The following CNTN5 variants were observed in gnomAD, a reference collection of about 807,000 sequenced individuals.
CNTN5 encodes contactin 5, also known as contactin-5.
In CNTN5, 77 loss-of-function variants were observed where a neutral mutation model predicts 129.1. The ratio of observed to expected loss-of-function variants is 0.60; its 90% CI spans 0.50 to 0.72. The LOEUF (loss-of-function observed/expected upper bound fraction) is 0.72. Among genes scored for constraint, CNTN5 ranks in the 30% least tolerant of loss-of-function variants. The probability of loss-of-function intolerance (pLI) is 0.00; values close to 1 mark genes in which losing one functional copy is unlikely to be tolerated. For synonymous variants in CNTN5, 509 were observed against 465.6 expected (o/e 1.09, Z -1.20); for missense variants, 1,478 against 1,328.8 (o/e 1.11, Z -1.75).
intron 6 of CNTN5, among the ~76,000 whole-genome samples, chr11:99,908,012 C>T (rs1188759413): frequency 1.3e-5 from 2 of 152,006 alleles, no homozygotes; most frequent in Non-Finnish European, 2.9e-5. Flanking sequence ...TCTGAACTGA[C>T]AGTCATAGGC....
chr11:99,994,004 C>G (rs1248645485), intron 8 of CNTN5, among the ~76,000 whole-genome samples: 2 of 151,924 alleles, frequency 1.3e-5, no homozygotes, highest in Admixed American at 6.6e-5. Context: ...ATATATAGTT[C>G]AGATATTAGC....
intron 9 of CNTN5, among the ~76,000 whole-genome samples, chr11:100,012,292 C>T (rs1419399821): frequency 6.6e-6 from 1 of 152,042 alleles, no homozygotes; most frequent in Non-Finnish European, 1.5e-5. Flanking sequence ...ATTGCATGAC[C>T]TAACAAACGT....
At chr11:100,097,601 GAT>G (rs1195970779) in intron 13 of CNTN5, among the ~76,000 whole-genome samples, 1 of 152,008 alleles carries the variant, frequency 6.6e-6, no homozygotes, top group Non-Finnish European at 1.5e-5. Context: ...AATGTGATGA[GAT>G]ATATCAAATT....
chr11:99,502,553 C>A (rs1946466117), intron 2 of CNTN5, among the ~76,000 whole-genome samples: 1 of 151,998 alleles, frequency 6.6e-6, no homozygotes, highest in Non-Finnish European at 1.5e-5. Context: ...AGGTGCCTTG[C>A]TTCTCCTTCA....
intron 1 of CNTN5, among the ~76,000 whole-genome samples, chr11:99,060,039 T>C (rs1864810385): frequency 6.6e-6 from 1 of 152,100 alleles, no homozygotes; most frequent in African/African-American, 2.4e-5. Context: ...TATTAAAATA[T>C]TGATATTTAA....
At chr11:100,328,899 A>G (rs1951843706) in intron 21 of CNTN5, among the ~76,000 whole-genome samples, 1 of 152,220 alleles carries the variant, frequency 6.6e-6, no homozygotes, top group African/African-American at 2.4e-5. Flanking sequence ...CTACCAAAGG[A>G]ACATACCAGG....
At chr11:99,641,277 T>G (rs1951760183) in intron 3 of CNTN5, among the ~76,000 whole-genome samples, 1 of 152,046 alleles carries the variant, frequency 6.6e-6, no homozygotes, top group South Asian at 2.1e-4. Context: ...AAATACTGAG[T>G]GGAACAAAAG....
chr11:99,325,921 T>C (rs80052536), intron 2 of CNTN5, among the ~76,000 whole-genome samples: 48 of 152,254 alleles, frequency 3.2e-4, no homozygotes, highest in African/African-American at 1.1e-3. Context: ...AGACAATGCT[T>C]AAAGTTAAAT....
At chr11:99,355,821 G>GTT (rs386756715) in intron 2 of CNTN5, among the ~76,000 whole-genome samples, 24 of 131,124 alleles carry the variant, frequency 1.8e-4, no homozygotes, top group East Asian at 4.4e-4. Flanking sequence ...GTTTTTTTTT[G>GTT]TTTTTTTTTT....
At position 99,333,979 on chromosome 11, in the gene CNTN5, CA is replaced by C. The variant is rs1866113215; in HGVS notation, c.-71+8496del. Among the ~76,000 whole-genome samples the C allele has an allele frequency of 2.3e-5, 3 of 131,496 alleles. No individual in the cohort carries two copies. In the South Asian group the frequency reaches 7.2e-4, roughly 32 times the overall value. The allele number at this position is 131,496 out of a possible 152,430, so 86.3% of individuals were successfully genotyped here. A position where few individuals can be genotyped will look rare whatever the true frequency, so the allele number is the denominator to read the frequency against. On this transcript the variant is annotated intron_variant, in intron 2 of 24. Transcript: ENST00000524871. ...ACTTTCTCTCTCTCTCTCTCACACACACACACACACACACACACAGTGCATT... is the reference window on the plus strand; with the variant it reads ...ACTTTCTCTCTCTCTCTCTCACACACCACACACACACACACACAGTGCATT...
At chr11:100,345,431 C>A (rs1021185359) in intron 23 of CNTN5, among the ~76,000 whole-genome samples, 6 of 152,100 alleles carry the variant, frequency 3.9e-5, no homozygotes, top group Middle Eastern at 3.2e-3. Flanking sequence ...ACTGGCAACA[C>A]CTGAATTCTG....
intron 1 of CNTN5, among the ~76,000 whole-genome samples, chr11:99,140,316 AGC>A (rs1429743273): frequency 2.6e-5 from 4 of 152,036 alleles, no homozygotes; most frequent in African/African-American, 9.7e-5. Flanking sequence ...TCAGGTAGTG[AGC>A]ATAGTACATA....
intron 3 of CNTN5, among the ~76,000 whole-genome samples, chr11:99,638,621 C>T (rs372741337): frequency 1.8e-4 from 27 of 152,262 alleles, no homozygotes; most frequent in Admixed American, 4.6e-4. Flanking sequence ...CCATTCCCAA[C>T]GGGAGAAATC....
chr11:99,813,567 A>C (rs1317885612), intron 3 of CNTN5, among the ~76,000 whole-genome samples: 1 of 152,150 alleles, frequency 6.6e-6, no homozygotes, highest in East Asian at 1.9e-4. Context: ...TCAAAGACAG[A>C]AGTGAGTTCA....
intron 21 of CNTN5, chr11:100,337,636 T>C: frequency 1.5e-6 from 1 of 685,766 alleles, no homozygotes; most frequent in Non-Finnish European, 2.8e-6. Flanking sequence ...CGGGAACTAA[T>C]TGGGTACCTG....
chr11:100,177,474 T>C (rs1171422263), intron 13 of CNTN5, among the ~76,000 whole-genome samples: 1 of 152,146 alleles, frequency 6.6e-6, no homozygotes, highest in Non-Finnish European at 1.5e-5. Flanking sequence ...GTACCTGGAA[T>C]TTAGAAACTA....
intron 2 of CNTN5, among the ~76,000 whole-genome samples, chr11:99,377,427 A>G (rs773367477): frequency 1.3e-5 from 2 of 151,846 alleles, no homozygotes; most frequent in Non-Finnish European, 2.9e-5. Flanking sequence ...TTTTGTATTT[A>G]TCTTTCTCAA....
At chr11:100,320,613 T>C (rs1363140077) in intron 21 of CNTN5, among the ~76,000 whole-genome samples, 3 of 152,158 alleles carry the variant, frequency 2.0e-5, no homozygotes, top group South Asian at 2.1e-4. Context: ...TTTTGGGTCA[T>C]ATCCAAAAAC....
chr11:99,945,112 C>A (rs986764818), intron 7 of CNTN5, among the ~76,000 whole-genome samples: 1 of 151,964 alleles, frequency 6.6e-6, no homozygotes, highest in African/African-American at 2.4e-5. Flanking sequence ...TGACAGCAAA[C>A]CAGACTATCA....
Sources: allele counts gnomAD v4.1 joint callset (sites outside exome capture counted in the v4.1 genomes callset), GRCh38; gene constraint gnomAD v4.1.1; transcripts MANE v1.5; gene names NCBI Gene and HGNC (gene_info 2026-07-23, HGNC 2026-07-21).